SPART: variants seen among roughly 807,000 people sequenced by gnomAD.
The protein encoded by SPART is spastic paraplegia 20 (Troyer syndrome).
In SPART, 35 loss-of-function variants were observed where a neutral mutation model predicts 58.7. That is an observed-to-expected ratio of 0.60 (90% CI 0.46 to 0.79). The LOEUF (loss-of-function observed/expected upper bound fraction) is 0.79, where lower values mean the gene tolerates loss of function less well. Among genes scored for constraint, SPART ranks in the 30% least tolerant of loss-of-function variants. The probability of loss-of-function intolerance (pLI) is 0.00; values close to 1 mark genes in which losing one functional copy is unlikely to be tolerated. For missense variants in SPART, 730 were observed against 786.1 expected (o/e 0.93, Z 0.85); for synonymous variants, 284 against 280.7 (o/e 1.01, Z -0.12).
chr13:36,314,722 G>T lies in SPART; in HGVS notation c.1289-301C>A, dbSNP rs146273395. Among the ~76,000 whole-genome samples, 4 of 152,276 alleles carry T rather than the reference G, an allele frequency of 2.6e-5. No individual in the cohort carries two copies. In the East Asian group the frequency reaches 5.8e-4, roughly 22 times the overall value. ...GTATCTCTATATGTTACTTACCACA[G>T]TATATTACTGTTAGGTATTAATTTT... On this transcript the variant is annotated intron_variant, in intron 5 of 8. Coordinates refer to ENST00000438666, the MANE Select transcript of SPART (RefSeq NM_015087.5).
intron 2 of SPART, among the ~76,000 whole-genome samples, chr13:36,333,606 T>C (rs1362170664): frequency 2.0e-5 from 3 of 152,030 alleles, no homozygotes; most frequent in Admixed American, 1.3e-4. Flanking sequence ...ATGAGAAAGA[T>C]TAAAAACAAA....
chr13:36,357,682 T>C (rs1885677351), intron 1 of SPART, among the ~76,000 whole-genome samples: 1 of 152,382 alleles, frequency 6.6e-6, no homozygotes, highest in Middle Eastern at 3.4e-3. Context: ...TGTATACTTA[T>C]AAAAGGTTTT....
intron 5 of SPART, 79 bp downstream of exon 5, chr13:36,326,496 T>C: frequency 6.5e-7 from 1 of 1,540,290 alleles, no homozygotes; most frequent in Non-Finnish European, 8.9e-7. Context: ...TTTCTCAGTA[T>C]TCCCTAATAA....
rs767227122 is a variant in SPART at position 36,312,292 on chromosome 13, T to C, written c.1642+27A>G. 5.6e-6 allele frequency: 9 copies of C among 1,614,014 alleles called. 1 individual carries two copies. Among genetic ancestry groups the C allele is most frequent in the South Asian group, 2.2e-5 (2 of 91,080 alleles). Reference sequence around the variant, plus strand: ...CTAGTCCAAAGCAAACGGACCTTCATAGTTAAAATTCTGGGCCCTTTGTTA... The same window carrying C: ...CTAGTCCAAAGCAAACGGACCTTCACAGTTAAAATTCTGGGCCCTTTGTTA... On this transcript the variant is annotated intron_variant, in intron 7 of 8. Coordinates refer to ENST00000438666, the MANE Select transcript of SPART (RefSeq NM_015087.5).
At chr13:36,349,606 G>A (rs569092077), upstream of SPART, among the ~76,000 whole-genome samples, 1 of 152,330 alleles carries the variant, frequency 6.6e-6, no homozygotes, top group East Asian at 1.9e-4. Flanking sequence ...GTCAAAACCT[G>A]TATTAGTGGT....
At chr13:36,327,806 G>A (rs1345139993) in intron 4 of SPART, among the ~76,000 whole-genome samples, 1 of 152,112 alleles carries the variant, frequency 6.6e-6, no homozygotes, top group African/African-American at 2.4e-5. Flanking sequence ...TGGCCAACAT[G>A]GTGAAACTGA....
chr13:36,351,504 A>C (rs1378529085), intron 1 of SPART, among the ~76,000 whole-genome samples: 2 of 152,210 alleles, frequency 1.3e-5, no homozygotes, highest in Admixed American at 6.5e-5. Context: ...CACTGTACAA[A>C]AATTGGTAAA....
At chr13:36,306,206 G>A (rs1880494163) in intron 8 of SPART, among the ~76,000 whole-genome samples, 1 of 152,092 alleles carries the variant, frequency 6.6e-6, no homozygotes. Context: ...CAACTGCTTC[G>A]GACAGTCCCT....
intron 5 of SPART, among the ~76,000 whole-genome samples, chr13:36,318,363 C>G (rs927097975): frequency 1.3e-5 from 2 of 152,114 alleles, no homozygotes; most frequent in Non-Finnish European, 2.9e-5. Context: ...TCTTTTTCAT[C>G]AAATATAAAA....
chr13:36,345,593 T>C (rs1422194746), intron 1 of SPART: 1 of 152,184 alleles, frequency 6.6e-6, no homozygotes, highest in Non-Finnish European at 1.5e-5. Flanking sequence ...GGGTCAGCCC[T>C]AGAGTCACGC....
At chr13:36,316,319 T>C (rs1881694970) in intron 5 of SPART, among the ~76,000 whole-genome samples, 1 of 152,226 alleles carries the variant, frequency 6.6e-6, no homozygotes. Flanking sequence ...ACGCCTGTAA[T>C]CACAGTGTCA....
At chr13:36,312,983 T>C (rs9547234) in intron 6 of SPART, among the ~76,000 whole-genome samples, 37,146 of 151,672 alleles carry the variant, frequency 0.24, 4,928 homozygotes, top group East Asian at 0.51. Context: ...GTAAACAATC[T>C]AAAATCTGAT....
chr13:36,324,689 G>A (rs1270685987), intron 5 of SPART, among the ~76,000 whole-genome samples: 4 of 152,162 alleles, frequency 2.6e-5, no homozygotes. Context: ...TTTCACTTGC[G>A]TGCATGTGAA....
intron 8 of SPART, among the ~76,000 whole-genome samples, chr13:36,311,891 C>T (rs1245617916): frequency 1.3e-5 from 2 of 151,740 alleles, no homozygotes; most frequent in Non-Finnish European, 2.9e-5. Flanking sequence ...AGTTCGAGAC[C>T]AGCCTGGCTA....
rs753299865 is a variant in SPART at position 36,329,341 on chromosome 13, A to T, written c.1164+21T>A. The T allele has an allele frequency of 8.1e-6, 13 of 1,613,000 alleles. No homozygotes were observed. In the Admixed American group the frequency reaches 2.2e-4, roughly 27 times the overall value. ...GGTACCATTAGAAGACAACACACAC[A>T]CTTATTACTCTTTTATTTACCCTTT... On this transcript the variant is annotated intron_variant, in intron 4 of 8. Coordinates refer to ENST00000438666, the MANE Select transcript of SPART (RefSeq NM_015087.5).
rs140285904 is a variant in SPART, at chr13:36,343,764, T to C, written c.-3+2461A>G. Among the ~76,000 whole-genome samples the C allele has an allele frequency of 1.1e-3, 172 of 152,294 alleles. 1 individual carries two copies. Among genetic ancestry groups the C allele is most frequent in the African/African-American group, 3.8e-3 (156 of 41,572 alleles). On this transcript the variant is annotated intron_variant, in intron 1 of 8. Coordinates refer to ENST00000438666, the MANE Select transcript of SPART (RefSeq NM_015087.5). ...CCTTCTAAGGTTATCCAATCCTCACTCTTGGAGGTTGATATCTGATTTTAA... is the reference window on the plus strand; with the variant it reads ...CCTTCTAAGGTTATCCAATCCTCACCCTTGGAGGTTGATATCTGATTTTAA...
At chr13:36,306,103 C>T (rs1338079331) in intron 8 of SPART, among the ~76,000 whole-genome samples, 1 of 152,112 alleles carries the variant, frequency 6.6e-6, no homozygotes, top group Non-Finnish European at 1.5e-5. Context: ...TTAGAGCTAG[C>T]ACACAGCAGA....
At chr13:36,316,586 G>A (rs530544368) in intron 5 of SPART, among the ~76,000 whole-genome samples, 36,127 of 151,362 alleles carry the variant, frequency 0.24, 4,753 homozygotes, top group East Asian at 0.51. Flanking sequence ...ACTCCTACCT[G>A]ACAGAGAACA....
chr13:36,329,678 T>G (rs879928327), intron 3 of SPART, among the ~76,000 whole-genome samples, 161 bp from the exon 4 acceptor site: 1 of 152,236 alleles, frequency 6.6e-6, no homozygotes, highest in African/African-American at 2.4e-5. Flanking sequence ...GATTCTCTTT[T>G]GTTTCATCAC....
Sources: allele counts gnomAD v4.1 joint callset (sites outside exome capture counted in the v4.1 genomes callset), GRCh38; gene constraint gnomAD v4.1.1; transcripts MANE v1.5; gene names NCBI Gene and HGNC (gene_info 2026-07-23, HGNC 2026-07-21).